The following F13A1 variants were observed in gnomAD, a reference collection of about 807,000 sequenced individuals.
The protein encoded by F13A1 is FSF, A subunit.
A neutral mutation model predicts 80.1 loss-of-function variants in F13A1; 47 were observed. That is an observed-to-expected ratio of 0.59 (90% confidence interval 0.46 to 0.75). F13A1 has a LOEUF of 0.75. Among genes scored for constraint, F13A1 ranks in the 30% least tolerant of loss-of-function variants. The pLI is 0.00. For synonymous variants in F13A1, 349 were observed against 344.9 expected, an observed-to-expected ratio of 1.01 and a Z score of -0.13; for missense variants, 817 against 930.4, an observed-to-expected ratio of 0.88 and a Z score of 1.59.
intron 7 of F13A1, among the ~76,000 whole-genome samples, chr6:6,223,208 C>T (rs552925133): frequency 6.8e-4 from 104 of 152,314 alleles, no homozygotes; most frequent in South Asian, 2.7e-3. Context: ...GTGACTTCCC[C>T]ACTGTGTGTT....
intron 3 of F13A1, among the ~76,000 whole-genome samples, chr6:6,272,816 A>G (rs1314102761): frequency 6.6e-6 from 1 of 152,204 alleles, no homozygotes; most frequent in Non-Finnish European, 1.5e-5. Flanking sequence ...AGAGAATTAC[A>G]GTTATGCTTT....
At chr6:6,291,499 G>T (rs1487108949) in intron 3 of F13A1, among the ~76,000 whole-genome samples, 1 of 151,898 alleles carries the variant, frequency 6.6e-6, no homozygotes, top group African/African-American at 2.4e-5. Flanking sequence ...ACATCTCCTT[G>T]ACTTTTAGAC....
At chr6:6,286,196 G>A (rs899288994) in intron 3 of F13A1, among the ~76,000 whole-genome samples, 1 of 152,206 alleles carries the variant, frequency 6.6e-6, no homozygotes, top group African/African-American at 2.4e-5. Flanking sequence ...GACCAGCCTG[G>A]TCAACATGGT....
chr6:6,238,377 A>G (rs1444897143), intron 6 of F13A1, among the ~76,000 whole-genome samples: 1 of 152,172 alleles, frequency 6.6e-6, no homozygotes, highest in Non-Finnish European at 1.5e-5. Flanking sequence ...CATAGACCAC[A>G]ATGTAAAAGT....
At chr6:6,206,722 T>C (rs1761496010) in intron 8 of F13A1, 24 of 374,950 alleles carry the variant, frequency 6.4e-5, no homozygotes, top group South Asian at 4.8e-4. Context: ...ACTAAATCCA[T>C]AGATGGCTTT....
intron 8 of F13A1, among the ~76,000 whole-genome samples, chr6:6,213,377 A>C (rs1362038305): frequency 2.0e-5 from 3 of 152,214 alleles, no homozygotes; most frequent in Non-Finnish European, 4.4e-5. Context: ...CCAATATTCA[A>C]CATTCTTAAA....
intron 6 of F13A1, among the ~76,000 whole-genome samples, chr6:6,234,905 A>G (rs1340776187): frequency 1.3e-5 from 2 of 152,046 alleles, no homozygotes; most frequent in Non-Finnish European, 2.9e-5. Context: ...TAATACTTTC[A>G]AATTAAGTAG....
At chr6:6,298,687 C>G (rs1203543853) in intron 3 of F13A1, among the ~76,000 whole-genome samples, 4 of 149,760 alleles carry the variant, frequency 2.7e-5, no homozygotes, top group African/African-American at 1.0e-4. Flanking sequence ...ACTGATGGGT[C>G]TTGACTCTTT....
At chr6:6,219,201 A>T (rs968103588) in intron 8 of F13A1, among the ~76,000 whole-genome samples, 2 of 151,950 alleles carry the variant, frequency 1.3e-5, no homozygotes, top group African/African-American at 2.4e-5. Flanking sequence ...AGCTCCTGAG[A>T]TCCTTGCTAG....
chr6:6,214,034 C>A (rs1335678879), intron 8 of F13A1, among the ~76,000 whole-genome samples: 2 of 129,668 alleles, frequency 1.5e-5, no homozygotes, highest in African/African-American at 3.1e-5. Flanking sequence ...TAAAGCAAGT[C>A]CTGAGTGACC....
chr6:6,255,044 C>T (rs1462779352), intron 4 of F13A1, among the ~76,000 whole-genome samples: 1 of 152,212 alleles, frequency 6.6e-6, no homozygotes, highest in East Asian at 1.9e-4. Flanking sequence ...TTCAACACAA[C>T]TTTTTTCTCC....
At chr6:6,230,420 C>A (rs1374443127) in intron 6 of F13A1, among the ~76,000 whole-genome samples, 1 of 152,106 alleles carries the variant, frequency 6.6e-6, no homozygotes, top group African/African-American at 2.4e-5. Context: ...CCCCATCCCC[C>A]ACAGCAGCTG....
At chr6:6,213,058 GT>G (rs1761648654) in intron 8 of F13A1, among the ~76,000 whole-genome samples, 1 of 152,212 alleles carries the variant, frequency 6.6e-6, no homozygotes, top group African/African-American at 2.4e-5. Flanking sequence ...TCTGATTGGT[GT>G]ACCTGAAAGT....
Position 6,305,473 on chromosome 6 carries a change from T to C in F13A1, c.197A>G (p.His66Arg). The C allele has an allele frequency of 6.2e-7, 1 of 1,614,238 alleles. No homozygotes were observed. The highest frequency in any genetic ancestry group is 8.5e-7 in the Non-Finnish European group (1 of 1,180,034). The stretch of plus-strand genomic sequence containing the variant: ...CTTGTTGTTTTCATACTTGTCAGTG[T>C]GGTGGTCCACCTTGTTAGTGTCCCA... ...ERWDTNKVDHHTDKYENNKLI... is the reference protein window; with the variant it reads ...ERWDTNKVDHRTDKYENNKLI... The change falls in exon 3 of 15, where the codon CAC becomes CGC. Residue 66 changes from histidine (H) to arginine (R), a missense_variant. Physicochemically the swap from His to Arg is conservative, Grantham distance 29. Transcript: ENST00000264870.
intron 10 of F13A1, among the ~76,000 whole-genome samples, chr6:6,189,528 C>A (rs1761141483): frequency 7.0e-6 from 1 of 143,812 alleles, no homozygotes; most frequent in East Asian, 2.1e-4. Flanking sequence ...AAATTCTTTT[C>A]TTTAAGAATG....
intron 6 of F13A1, among the ~76,000 whole-genome samples, chr6:6,237,133 T>C (rs1757423818): frequency 6.6e-6 from 1 of 152,176 alleles, no homozygotes; most frequent in African/African-American, 2.4e-5. Context: ...TGTATTTGGA[T>C]TCAATTGCTG....
intron 3 of F13A1, among the ~76,000 whole-genome samples, chr6:6,279,112 G>A (rs78256488): frequency 0.055 from 8,330 of 152,238 alleles, 252 homozygotes; most frequent in Middle Eastern, 0.15. Flanking sequence ...CTGGGTGTTG[G>A]AAATAGGGAG....
Position 6,243,616 on chromosome 6 carries a change from C to T in F13A1, c.798+4696G>A, listed in dbSNP as rs1757516115. Among the ~76,000 whole-genome samples, 1 of 152,174 alleles carries T rather than the reference C, an allele frequency of 6.6e-6. No homozygotes were observed. The highest frequency in any genetic ancestry group is 1.9e-4 in the East Asian group (1 of 5,200). On this transcript the variant is annotated intron_variant, in intron 6 of 14. Transcript: ENST00000264870. The surrounding 1 kb of genome is among the most constrained non-coding windows in gnomAD (Gnocchi z 4.2). ...TGGCAATAACGTGTTGATAGTGGCCCTCTAAGGTAATATGATCTGAGAGTA... is the reference window on the plus strand; with the variant it reads ...TGGCAATAACGTGTTGATAGTGGCCTTCTAAGGTAATATGATCTGAGAGTA...
Position 6,210,324 on chromosome 6 carries a change from G to GATATATATATAT in F13A1, c.1112+11697_1112+11708dup, listed in dbSNP as rs34960466. 4.0e-3 allele frequency among the ~76,000 whole-genome samples: 331 copies of GATATATATATAT among 82,864 alleles called. 20 individuals carry two copies. Among genetic ancestry groups the GATATATATATAT allele is most frequent in the East Asian group, 0.019 (44 of 2,344 alleles). 54.4% of individuals were successfully genotyped at this position (82,864 alleles called of 152,430 possible). A position where few individuals can be genotyped will look rare whatever the true frequency, so the allele number is the denominator to read the frequency against. Reference sequence around the variant, plus strand: ...GAATTTTGTAAATTTTGTAGCATGTGATATATATATATATATATATATATT... The same window carrying GATATATATATAT: ...GAATTTTGTAAATTTTGTAGCATGTGATATATATATATATATATATATATATATATATATATT... On this transcript the variant is annotated intron_variant, in intron 8 of 14. Coordinates refer to ENST00000264870, the MANE Select transcript of F13A1 (RefSeq NM_000129.4).
Sources: gnomAD v4.1 joint callset for allele counts (sites outside exome capture counted in the v4.1 genomes callset) on GRCh38, gnomAD v4.1.1 for gene constraint, Gnocchi (gnomAD v3.1) non-coding constraint, MANE v1.5 for transcripts, NCBI Gene and HGNC (gene_info 2026-07-23, HGNC 2026-07-21) for gene names.